Variants in ANKRD30BL observed in about 807,000 individuals in gnomAD.
The protein encoded by ANKRD30BL is ankyrin repeat domain 30B like.
A neutral mutation model predicts 18.4 loss-of-function variants in ANKRD30BL; 20 were observed. The observed-to-expected ratio is 1.09, with a 90% CI of 0.77 to 1.58. The LOEUF is 1.58. ANKRD30BL is among the 40% of genes most tolerant of loss of function. The pLI is 0.00. For missense variants in ANKRD30BL, 224 were observed against 268.6 expected (o/e 0.83, Z 1.16); for synonymous variants, 72 against 100.9 (o/e 0.71, Z 1.72).
chr2:132,190,615 T>G (rs1678826482), intron 1 of ANKRD30BL, among the ~76,000 whole-genome samples: 1 of 152,080 alleles, frequency 6.6e-6, no homozygotes. Context: ...CATTATAGAC[T>G]ATACATGACT....
At chr2:132,255,849 G>A (rs796581209) in intron 1 of ANKRD30BL, among the ~76,000 whole-genome samples, 8 of 152,132 alleles carry the variant, frequency 5.3e-5, no homozygotes, top group African/African-American at 1.9e-4. Context: ...GCAGACATTC[G>A]AATGGGTCAT....
intron 1 of ANKRD30BL, among the ~76,000 whole-genome samples, chr2:132,209,491 C>T (rs201481956): frequency 8.0e-4 from 120 of 150,472 alleles, no homozygotes; most frequent in African/African-American, 2.9e-3. Flanking sequence ...CGATTTGAGG[C>T]CTATGGAGGA....
rs147142451 is a variant in ANKRD30BL, at chr2:132,188,423, A to G, written n.442-31277T>C. Reference sequence around the variant, plus strand: ...AGTGGTAGAATTTAGGAGTTAAAAAATCAAATTAGCGGGCAGGGCGCGGTG... The same window carrying G: ...AGTGGTAGAATTTAGGAGTTAAAAAGTCAAATTAGCGGGCAGGGCGCGGTG... On this transcript the variant is annotated intron_variant and non_coding_transcript_variant, in intron 1 of 4. Coordinates refer to the ANKRD30BL transcript ENST00000470729. Among the ~76,000 whole-genome samples the G allele has an allele frequency of 9.0e-3, 1,377 of 152,354 alleles. 10 individuals carry two copies. Among genetic ancestry groups the G allele is most frequent in the South Asian group, 0.02 (98 of 4,832 alleles).
chr2:132,224,491 A>G (rs1679787698), intron 1 of ANKRD30BL, among the ~76,000 whole-genome samples: 1 of 151,982 alleles, frequency 6.6e-6, no homozygotes, highest in African/African-American at 2.4e-5. Flanking sequence ...AGTACTGGAC[A>G]GAGGCATTCT....
intron 1 of ANKRD30BL, among the ~76,000 whole-genome samples, chr2:132,255,416 G>T (rs530702345): frequency 1.1e-4 from 16 of 151,992 alleles, no homozygotes; most frequent in South Asian, 4.2e-4. Context: ...TAAGTGCTTC[G>T]GGCCACAGGA....
intron 3 of ANKRD30BL, chr2:132,156,082 G>A (rs929903152): frequency 3.3e-5 from 5 of 151,598 alleles, no homozygotes; most frequent in African/African-American, 2.4e-5. Context: ...TGAATAAAAC[G>A]GCTTATTAAC....
intron 1 of ANKRD30BL, among the ~76,000 whole-genome samples, chr2:132,208,727 G>A (rs938036004): frequency 9.9e-5 from 15 of 151,524 alleles, no homozygotes; most frequent in Non-Finnish European, 2.2e-4. Context: ...GATTTTAAAT[G>A]TGTGCCCTCA....
At chr2:132,170,823 C>T (rs1284030944) in intron 1 of ANKRD30BL, among the ~76,000 whole-genome samples, 1 of 152,096 alleles carries the variant, frequency 6.6e-6, no homozygotes, top group African/African-American at 2.4e-5. Context: ...TAATCAGGGT[C>T]GAATATAGTC....
At chr2:132,180,618 A>G (rs1198538176) in intron 1 of ANKRD30BL, among the ~76,000 whole-genome samples, 1 of 151,868 alleles carries the variant, frequency 6.6e-6, no homozygotes, top group Non-Finnish European at 1.5e-5. Context: ...TATTTTCCCC[A>G]TTTCACAAAT....
At chr2:132,184,996 T>C (rs1688539150) in intron 1 of ANKRD30BL, among the ~76,000 whole-genome samples, 1 of 152,120 alleles carries the variant, frequency 6.6e-6, no homozygotes, top group Non-Finnish European at 1.5e-5. Flanking sequence ...GTATTTTTAG[T>C]AGAGACAGGG....
At chr2:132,257,790 C>G (rs78690202) in exon 1 of ANKRD30BL, 1 of 153,574 alleles carries the variant, frequency 6.5e-6, no homozygotes, top group African/African-American at 2.4e-5. Context: ...GTGCGGCAAC[C>G]TTGAGCCTTC....
At chr2:132,227,917 A>C (rs1573867021) in intron 1 of ANKRD30BL, among the ~76,000 whole-genome samples, 1 of 152,100 alleles carries the variant, frequency 6.6e-6, no homozygotes. Flanking sequence ...AAAAGGAAAT[A>C]TCCTCACATA....
intron 1 of ANKRD30BL, among the ~76,000 whole-genome samples, chr2:132,228,483 T>C (rs1487582836): frequency 1.3e-5 from 2 of 151,676 alleles, no homozygotes; most frequent in Non-Finnish European, 2.9e-5. Flanking sequence ...GATGTGTGCA[T>C]TCATCTCACA....
rs757441880 is a variant in ANKRD30BL, at chr2:132,148,169, T to C, written c.739A>G (p.Thr247Ala). ...GTTCTTTCCACCAAGCTTTCAGCCG[T>C]GTCAGGTGTTCTTTCCGCCAAGGGT... ...AAPLAERTPD[T>A]AESLVERTPD... The change falls in exon 6 of 6, where the codon ACG becomes GCG. Residue 247 changes from threonine to alanine, a missense_variant. By Grantham distance (58) the Thr-to-Ala change is moderately conservative. Coordinates refer to ENST00000409867, the MANE Select transcript of ANKRD30BL (RefSeq NM_001358416.1). 1.9e-6 allele frequency: 3 copies of C among 1,603,404 alleles called. No individual in the cohort carries two copies. In the East Asian group the frequency reaches 6.7e-5, roughly 36 times the overall value.
chr2:132,222,082 G>A (rs1443343772), intron 1 of ANKRD30BL, among the ~76,000 whole-genome samples: 2 of 146,982 alleles, frequency 1.4e-5, no homozygotes, highest in Non-Finnish European at 3.0e-5. Context: ...CCGGGAGGGA[G>A]GTCGGGGGGT....
At chr2:132,182,781 T>C (rs1688493078) in intron 1 of ANKRD30BL, among the ~76,000 whole-genome samples, 1 of 152,156 alleles carries the variant, frequency 6.6e-6, no homozygotes, top group African/African-American at 2.4e-5. Flanking sequence ...CTCTGAAAAA[T>C]GAAAAATTGC....
chr2:132,241,623 T>A (rs990460121), intron 1 of ANKRD30BL, among the ~76,000 whole-genome samples: 3 of 151,938 alleles, frequency 2.0e-5, no homozygotes, highest in African/African-American at 4.8e-5. Context: ...ATCACTCTTT[T>A]TGTAGAATCT....
chr2:132,257,059 A>G, intron 1 of ANKRD30BL: 1 of 511,154 alleles, frequency 2.0e-6, no homozygotes, highest in Non-Finnish European at 3.9e-6. Flanking sequence ...CCCGCCTAGG[A>G]TGCCGGACGG....
chr2:132,233,554 G>C (rs1680077759), intron 1 of ANKRD30BL, among the ~76,000 whole-genome samples: 1 of 149,084 alleles, frequency 6.7e-6, no homozygotes, highest in Non-Finnish European at 1.5e-5. Context: ...TGATAAAACA[G>C]ACTTTAAACC....
Sources: allele counts gnomAD v4.1 joint callset (sites outside exome capture counted in the v4.1 genomes callset), GRCh38; gene constraint gnomAD v4.1.1; transcripts MANE v1.5; gene names NCBI Gene and HGNC (gene_info 2026-07-23, HGNC 2026-07-21).